CORIN: variants seen among roughly 807,000 people sequenced by gnomAD.
CORIN encodes the protein atrial natriuretic peptide-converting enzyme.
In CORIN, 117 loss-of-function variants were observed where a neutral mutation model predicts 125.3. That is an observed-to-expected ratio of 0.93 (90% CI 0.80 to 1.09). The LOEUF (loss-of-function observed/expected upper bound fraction) is 1.09. Ranked by LOEUF, CORIN falls within the 50% of genes least tolerant of loss-of-function variation. The pLI is 0.00. For synonymous variants in CORIN, 450 were observed against 466.4 expected, an observed-to-expected ratio of 0.96 and a Z score of 0.45; for missense variants, 1,253 against 1,306.7, an observed-to-expected ratio of 0.96 and a Z score of 0.63.
At position 47,643,565 on chromosome 4, in the gene CORIN, A is replaced by T. The variant is rs185561651; in HGVS notation, c.1958-309T>A. On this transcript the variant is annotated intron_variant, in intron 14 of 21. Coordinates refer to ENST00000273857, the MANE Select transcript of CORIN (RefSeq NM_006587.4). ...ATACCAAAGATCAGAGAACGGGGTT[A>T]AAATCTGCATGAGCAGAGCATGAGG... Among the ~76,000 whole-genome samples, 331 of 152,338 alleles carry T rather than the reference A, an allele frequency of 2.2e-3. 1 individual carries two copies. Among genetic ancestry groups the T allele is most frequent in the South Asian group, 9.7e-3 (47 of 4,826 alleles).
intron 12 of CORIN, 108 bp from the exon 13 acceptor site, chr4:47,653,768 T>C: frequency 1.1e-6 from 1 of 942,662 alleles, no homozygotes; most frequent in African/African-American, 1.7e-5. Flanking sequence ...AAGATAAGGG[T>C]GGTCTCTTGC....
At chr4:47,659,054 A>G (rs1248901314) in intron 12 of CORIN, among the ~76,000 whole-genome samples, 1 of 152,212 alleles carries the variant, frequency 6.6e-6, no homozygotes, top group Non-Finnish European at 1.5e-5. Context: ...GGGCATAAAC[A>G]GAATGCAGCC....
At chr4:47,703,304 T>G (rs570600169) in intron 5 of CORIN, among the ~76,000 whole-genome samples, 1 of 152,314 alleles carries the variant, frequency 6.6e-6, no homozygotes, top group African/African-American at 2.4e-5. Context: ...ACCTAGCTAC[T>G]TCTGAACATC....
At chr4:47,789,188 C>T (rs1340805303) in intron 2 of CORIN, among the ~76,000 whole-genome samples, 1 of 152,098 alleles carries the variant, frequency 6.6e-6, no homozygotes, top group Non-Finnish European at 1.5e-5. Context: ...CCTGTAATCT[C>T]AGCTACTAGG....
chr4:47,817,466 A>G (rs919535694), intron 1 of CORIN, among the ~76,000 whole-genome samples: 1 of 152,144 alleles, frequency 6.6e-6, no homozygotes, highest in Non-Finnish European at 1.5e-5. Context: ...TGGTCCATGT[A>G]GGACTTTAGA....
chr4:47,814,604 C>G (rs1328916175), intron 1 of CORIN, among the ~76,000 whole-genome samples: 1 of 152,164 alleles, frequency 6.6e-6, no homozygotes, highest in Non-Finnish European at 1.5e-5. Flanking sequence ...CTGCAATTCT[C>G]TGCAATAATA....
chr4:47,620,380 T>TA (rs34348700), intron 19 of CORIN, among the ~76,000 whole-genome samples: 6 of 152,064 alleles, frequency 3.9e-5, no homozygotes, highest in South Asian at 2.1e-4. Flanking sequence ...TTATTTGGCT[T>TA]AAAAAAAATG....
chr4:47,679,674 C>T (rs1250512316), intron 8 of CORIN: 1 of 155,564 alleles, frequency 6.4e-6, no homozygotes, highest in Non-Finnish European at 1.4e-5. Flanking sequence ...TTTGTATCAT[C>T]ATATGAACAT....
intron 1 of CORIN, among the ~76,000 whole-genome samples, chr4:47,809,642 G>A (rs987677468): frequency 1.3e-5 from 2 of 151,928 alleles, no homozygotes; most frequent in African/African-American, 2.4e-5. Flanking sequence ...TCCTGACCCC[G>A]TGATCCACCC....
chr4:47,635,528 G>C (rs1302782025), intron 16 of CORIN, among the ~76,000 whole-genome samples: 1 of 152,152 alleles, frequency 6.6e-6, no homozygotes, highest in Non-Finnish European at 1.5e-5. Context: ...TTTTATGCTT[G>C]AAATGTTTTA....
intron 5 of CORIN, among the ~76,000 whole-genome samples, chr4:47,726,125 G>A (rs1488885265): frequency 2.0e-5 from 3 of 152,066 alleles, no homozygotes; most frequent in African/African-American, 7.2e-5. Context: ...GTGAAGATGT[G>A]AAGCAACTGG....
chr4:47,779,541 T>C (rs1018849184), intron 3 of CORIN, among the ~76,000 whole-genome samples: 1 of 152,012 alleles, frequency 6.6e-6, no homozygotes, highest in African/African-American at 2.4e-5. Context: ...GTTCAAGTGA[T>C]TCTCCTGCCT....
At chr4:47,817,422 G>A (rs937200588) in intron 1 of CORIN, among the ~76,000 whole-genome samples, 2 of 152,150 alleles carry the variant, frequency 1.3e-5, no homozygotes, top group East Asian at 3.9e-4. Flanking sequence ...GGCACAGCAT[G>A]AGGCTTTAAG....
At position 47,806,991 on chromosome 4, in the gene CORIN, A is replaced by C. The variant is rs1341584542; in HGVS notation, c.120T>G (p.Thr40=). 6.2e-7 allele frequency: 1 copy of C among 1,613,942 alleles called. No individual in the cohort carries two copies. Among genetic ancestry groups the C allele is most frequent in the Non-Finnish European group, 8.5e-7 (1 of 1,179,928 alleles). The stretch of plus-strand genomic sequence containing the variant: ...GCAATAGGAACCGGAGGAGGTTAGC[A>C]GTCGCCAGCTTCTGAGAGCAGCCAT... ...MGNGCSQKLA[T]ANLLRFLLLV... Residue 40 remains threonine, a synonymous_variant, in exon 2 of 22, where the codon ACT becomes ACG. Coordinates refer to ENST00000273857, the MANE Select transcript of CORIN (RefSeq NM_006587.4).
chr4:47,767,969 C>T (rs1199912588), intron 3 of CORIN, among the ~76,000 whole-genome samples: 1 of 152,164 alleles, frequency 6.6e-6, no homozygotes, highest in Non-Finnish European at 1.5e-5. Flanking sequence ...TCCCCTGTGA[C>T]CTGCAAGTAT....
chr4:47,629,134 T>G (rs374784673), intron 16 of CORIN, among the ~76,000 whole-genome samples: 2 of 152,324 alleles, frequency 1.3e-5, no homozygotes, highest in African/African-American at 4.8e-5. Flanking sequence ...TTTTCATAAG[T>G]ACTGTACCAA....
At chr4:47,632,748 T>C (rs1455252949) in intron 16 of CORIN, among the ~76,000 whole-genome samples, 2 of 116,398 alleles carry the variant, frequency 1.7e-5, no homozygotes, top group Admixed American at 2.0e-4. Flanking sequence ...GATAGATAGA[T>C]AGATAGATAG....
chr4:47,795,418 T>C (rs1171780333), intron 2 of CORIN, among the ~76,000 whole-genome samples: 2 of 152,134 alleles, frequency 1.3e-5, no homozygotes, highest in African/African-American at 4.8e-5. Flanking sequence ...CAATGAATAT[T>C]AAATGTCTTT....
intron 20 of CORIN, 70 bp from the exon 21 acceptor site, chr4:47,600,417 GC>G (rs1160730070): frequency 9.6e-7 from 1 of 1,039,784 alleles, no homozygotes; most frequent in African/African-American, 1.6e-5. Context: ...AGTGAGGCTA[GC>G]CAAATATGAA....
Sources: gnomAD v4.1 joint callset for allele counts (sites outside exome capture counted in the v4.1 genomes callset) on GRCh38, gnomAD v4.1.1 for gene constraint, MANE v1.5 for transcripts, NCBI Gene and HGNC (gene_info 2026-07-23, HGNC 2026-07-21) for gene names.